ITSN1: variants seen among roughly 807,000 people sequenced by gnomAD.
ITSN1 encodes the protein intersectin 1.
A neutral mutation model predicts 239.8 loss-of-function variants in ITSN1; 58 were observed. The ratio of observed to expected loss-of-function variants is 0.24; its 90% CI spans 0.20 to 0.30. The LOEUF (loss-of-function observed/expected upper bound fraction) is 0.30, where lower values mean the gene tolerates loss of function less well. Ranked by LOEUF, ITSN1 falls within the 10% of genes least tolerant of loss-of-function variation. ITSN1 has a pLI of 1.00. For synonymous variants in ITSN1, 780 were observed against 770.8 expected, an observed-to-expected ratio of 1.01 and a Z score of -0.20; for missense variants, 1,558 against 2,103.3, an observed-to-expected ratio of 0.74 and a Z score of 5.07.
rs374968601 is a variant in ITSN1 at position 33,797,398 on chromosome 21, A to G, written c.1972A>G (p.Lys658Glu). 1 of 1,613,836 alleles carries G rather than the reference A, an allele frequency of 6.2e-7. No homozygotes were observed. Among genetic ancestry groups the G allele is most frequent in the African/African-American group, 1.3e-5 (1 of 74,918 alleles). ...EAQRRAQERD[K>E]QWLEHVQQED... ...TGGCAGACGAGCTCAGGAAAGGGACAAGCAGTGGCTGGAGCATGTGCAGCA... is the reference window on the plus strand; with the variant it reads ...TGGCAGACGAGCTCAGGAAAGGGACGAGCAGTGGCTGGAGCATGTGCAGCA... Residue 658 changes from lysine (K) to glutamate (E), a missense_variant, in exon 18 of 40, where the codon AAG (lysine) becomes GAG (glutamate). Lys to Glu is a moderately conservative substitution (Grantham distance 56). Transcript: ENST00000381318. The surrounding 1 kb of genome is among the most constrained non-coding windows in gnomAD (Gnocchi z 4.9).
In ITSN1 at chr21:33,827,261, A is replaced by G. The variant is rs532312901; in HGVS notation, c.3229+398A>G. Reference sequence around the variant, plus strand: ...CAAAAAATAGAAAAATTAGCCAGGCATAGTGGCATACACCTGTAATCCCAG... The same window carrying G: ...CAAAAAATAGAAAAATTAGCCAGGCGTAGTGGCATACACCTGTAATCCCAG... On this transcript the variant is annotated intron_variant, in intron 26 of 39. Coordinates refer to ENST00000381318, the MANE Select transcript of ITSN1 (RefSeq NM_003024.3). 3.3e-5 allele frequency among the ~76,000 whole-genome samples: 5 copies of G among 152,248 alleles called. No individual in the cohort carries two copies. The South Asian group carries it at 1.0e-3, about 32-fold the overall frequency.
chr21:33,667,072 G>A (rs754646117), intron 1 of ITSN1, among the ~76,000 whole-genome samples: 2 of 151,448 alleles, frequency 1.3e-5, no homozygotes, highest in African/African-American at 4.8e-5. Context: ...CCCCCATCTC[G>A]GCCTCCCAAA....
intron 3 of ITSN1, 131 bp from the exon 4 acceptor site, chr21:33,722,457 T>C: frequency 8.6e-7 from 1 of 1,162,164 alleles, no homozygotes; most frequent in Non-Finnish European, 1.1e-6. Flanking sequence ...CTTGGACTTT[T>C]ATAATGCACT....
chr21:33,723,078 C>T (rs1453482238), intron 4 of ITSN1, among the ~76,000 whole-genome samples: 1 of 152,182 alleles, frequency 6.6e-6, no homozygotes, highest in Non-Finnish European at 1.5e-5. Flanking sequence ...AAATCCATAA[C>T]ATTAATAGAT....
intron 21 of ITSN1, among the ~76,000 whole-genome samples, chr21:33,812,901 G>A (rs1267303725): frequency 6.6e-6 from 1 of 152,160 alleles, no homozygotes; most frequent in South Asian, 2.1e-4. Flanking sequence ...TGGCATCTAG[G>A]CATACTACCA....
At chr21:33,685,982 G>T (rs186868329) in intron 1 of ITSN1, among the ~76,000 whole-genome samples, 207 of 152,278 alleles carry the variant, frequency 1.4e-3, no homozygotes, top group African/African-American at 4.8e-3. Context: ...ACTTGTTTGT[G>T]CATTCTTAAG....
rs1246620786 is a variant in ITSN1 at position 33,898,941 on chromosome 21, A to G, written c.*10641A>G. The G allele has an allele frequency of 6.6e-6, 1 of 152,232 alleles. No homozygotes were observed. The highest frequency in any genetic ancestry group is 2.4e-5 in the African/African-American group (1 of 41,458). 9.4% of individuals were successfully genotyped at this position (152,232 alleles called of 1,614,324 possible). On this transcript the variant is annotated 3_prime_UTR_variant, in exon 40 of 40. Coordinates refer to ENST00000381318, the MANE Select transcript of ITSN1 (RefSeq NM_003024.3). Reference sequence around the variant, plus strand: ...CTTAGAGGCACTGTCCATGTGGTCCATAACTGGCTTTATTCCCAAAGATGG... The same window carrying G: ...CTTAGAGGCACTGTCCATGTGGTCCGTAACTGGCTTTATTCCCAAAGATGG...
intron 27 of ITSN1, among the ~76,000 whole-genome samples, chr21:33,830,903 G>T (rs955972230): frequency 2.0e-5 from 3 of 151,712 alleles, no homozygotes; most frequent in East Asian, 3.9e-4. Flanking sequence ...AGAGGGTGGG[G>T]GGGGAGGGAG....
intron 14 of ITSN1, among the ~76,000 whole-genome samples, chr21:33,778,875 G>A (rs992683942): frequency 6.6e-6 from 1 of 152,016 alleles, no homozygotes; most frequent in African/African-American, 2.4e-5. Context: ...ACCGCGCCCG[G>A]CCTATAATAT....
intron 1 of ITSN1, among the ~76,000 whole-genome samples, chr21:33,700,202 A>G (rs1431739167): frequency 6.6e-6 from 1 of 151,938 alleles, no homozygotes; most frequent in African/African-American, 2.4e-5. Context: ...CTCCTGCCTC[A>G]GCCTCCCGAG....
At chr21:33,873,889 G>A (rs924563081) in intron 33 of ITSN1, among the ~76,000 whole-genome samples, 10 of 150,704 alleles carry the variant, frequency 6.6e-5, no homozygotes, top group Middle Eastern at 3.5e-3. Context: ...GGCTGGGTGC[G>A]GTGGCTCGCG....
chr21:33,883,414 C>T lies in ITSN1; in HGVS notation c.4555-136C>T, dbSNP rs189464722. 2.7e-5 allele frequency: 32 copies of T among 1,176,916 alleles called. No individual in the cohort carries two copies. In the Admixed American group the frequency reaches 3.8e-4, roughly 14 times the overall value. 72.9% of individuals were successfully genotyped at this position (1,176,916 alleles called of 1,614,324 possible). ...AGTCTAGGTTACTGAAACACACGCA[C>T]GAGTGTGCACACACGCGCTGACTTG... On this transcript the variant is annotated intron_variant, in intron 35 of 39. Coordinates refer to ENST00000381318, the MANE Select transcript of ITSN1 (RefSeq NM_003024.3).
chr21:33,712,652 GC>G (rs1419589085), intron 1 of ITSN1, among the ~76,000 whole-genome samples: 3 of 152,126 alleles, frequency 2.0e-5, no homozygotes, highest in African/African-American at 7.2e-5. Context: ...CTGCACCTGT[GC>G]TTCACTGCAT....
chr21:33,722,560 C>G, intron 3 of ITSN1, 28 bp from the exon 4 acceptor site: 4 of 1,205,604 alleles, frequency 3.3e-6, no homozygotes, highest in Non-Finnish European at 3.2e-6. Context: ...TTTTTTTTTT[C>G]CTGAAACTTT....
At position 33,797,560 on chromosome 21, in the gene ITSN1, C is replaced by T; in HGVS notation, c.2134C>T (p.His712Tyr). 1 of 1,614,068 alleles carries T rather than the reference C, an allele frequency of 6.2e-7. No homozygotes were observed. Among genetic ancestry groups the T allele is most frequent in the African/African-American group, 1.3e-5 (1 of 75,040 alleles). The change falls in exon 18 of 40, where the codon CAC becomes TAC. Residue 712 changes from histidine to tyrosine, a missense_variant. Transcript: ENST00000381318. The surrounding 1 kb of genome is among the most constrained non-coding windows in gnomAD (Gnocchi z 4.9). ...CAAGCTGGGTCGGCTTTTCCATCAA[C>T]ACCAAGAACCAGCTAAGCCAGCTGT... ...QDKLGRLFHQ[H>Y]QEPAKPAVQA...
intron 34 of ITSN1, among the ~76,000 whole-genome samples, chr21:33,879,684 CCTT>C (rs1169969988): frequency 2.6e-5 from 4 of 152,042 alleles, no homozygotes; most frequent in African/African-American, 7.3e-5. Flanking sequence ...CAGTTGTCAT[CCTT>C]CTTTTTTTTT....
intron 1 of ITSN1, among the ~76,000 whole-genome samples, chr21:33,660,248 C>T (rs2089448836): frequency 6.6e-6 from 1 of 152,120 alleles, no homozygotes; most frequent in African/African-American, 2.4e-5. Flanking sequence ...GCTGCTCCCA[C>T]AATAAGATCT....
intron 1 of ITSN1, among the ~76,000 whole-genome samples, chr21:33,684,042 G>C (rs1035388800): frequency 6.6e-6 from 1 of 152,182 alleles, no homozygotes; most frequent in East Asian, 1.9e-4. Context: ...GACTCAATGT[G>C]AGCCCTGTGA....
At chr21:33,807,328 C>A (rs1411150189) in intron 20 of ITSN1, among the ~76,000 whole-genome samples, 2 of 152,092 alleles carry the variant, frequency 1.3e-5, no homozygotes. Flanking sequence ...AGGACATTTC[C>A]CCAGGGCTTC....
Sources: gnomAD v4.1 joint callset for allele counts (sites outside exome capture counted in the v4.1 genomes callset) on GRCh38, gnomAD v4.1.1 for gene constraint, Gnocchi (gnomAD v3.1) non-coding constraint, MANE v1.5 for transcripts, NCBI Gene and HGNC (gene_info 2026-07-23, HGNC 2026-07-21) for gene names.